Variants in PACS1 observed in about 807,000 individuals in gnomAD.
The protein encoded by PACS1 is phosphofurin acidic cluster sorting protein 1, also known as PACS-1.
Under a neutral mutation model 115.0 loss-of-function variants are expected in PACS1, and 24 were observed. The observed-to-expected ratio is 0.21, with a 90% CI of 0.15 to 0.29. The LOEUF (loss-of-function observed/expected upper bound fraction) is 0.29. PACS1 is among the 10% of genes least tolerant of loss of function. PACS1 has a pLI of 1.00. For synonymous variants in PACS1, 453 were observed against 504.5 expected (o/e 0.90, Z 1.37); for missense variants, 838 against 1,251.2 (o/e 0.67, Z 4.98).
chr11:66,151,483 A>G (rs1013864098), intron 1 of PACS1, among the ~76,000 whole-genome samples: 3 of 152,104 alleles, frequency 2.0e-5, no homozygotes, highest in Non-Finnish European at 4.4e-5. Flanking sequence ...ATTACACAGA[A>G]GCATGGGAGA....
Position 66,211,230 on chromosome 11 carries a change from T to C in PACS1, c.631T>C (p.Leu211=), listed in dbSNP as rs151082834. Reference sequence around the variant, plus strand: ...TCGGACCATCTTGGGCTATAAGACCTTGGCCGTGGGACTCATCAACATGGC... The same window carrying C: ...TCGGACCATCTTGGGCTATAAGACCCTGGCCGTGGGACTCATCAACATGGC... The part of the protein sequence containing the change: ...KNRTILGYKT[L]AVGLINMAEV... Residue 211 remains leucine, a synonymous_variant, in exon 4 of 24, where the codon TTG becomes CTG. Coordinates refer to ENST00000320580, the MANE Select transcript of PACS1 (RefSeq NM_018026.4). 84 of 1,613,724 alleles carry C rather than the reference T, an allele frequency of 5.2e-5. No homozygotes were observed. In the African/African-American group the frequency reaches 1.0e-3, roughly 19 times the overall value.
At chr11:66,073,817 A>AATTAG (rs1343474712) in intron 1 of PACS1, among the ~76,000 whole-genome samples, 2 of 151,682 alleles carry the variant, frequency 1.3e-5, no homozygotes, top group African/African-American at 4.8e-5. Flanking sequence ...GTAGTGGCAC[A>AATTAG]GTCATAGCTC....
At position 66,241,380 on chromosome 11, in the gene PACS1, G is replaced by A. The variant is rs761930838; in HGVS notation, c.2430-47G>A. Reference sequence around the variant, plus strand: ...CTACCCCATCAGGCCTATGTAGTTGGGAGCTGAAGGCAGAGCTGACCTCTC... The same window carrying A: ...CTACCCCATCAGGCCTATGTAGTTGAGAGCTGAAGGCAGAGCTGACCTCTC... On this transcript the variant is annotated intron_variant, in intron 21 of 23. Transcript: ENST00000320580. The A allele has an allele frequency of 8.9e-6, 13 of 1,454,786 alleles. No individual in the cohort carries two copies. In the East Asian group the frequency reaches 2.7e-4, roughly 30 times the overall value. 90.1% of individuals were successfully genotyped at this position (1,454,786 alleles called of 1,614,324 possible).
chr11:66,186,167 T>C (rs531011168), intron 1 of PACS1, among the ~76,000 whole-genome samples: 1 of 151,930 alleles, frequency 6.6e-6, no homozygotes, highest in East Asian at 1.9e-4. Flanking sequence ...CTCAGCTACT[T>C]AGGAGGTTGA....
chr11:66,180,386 C>T (rs574303308), intron 1 of PACS1, among the ~76,000 whole-genome samples: 2 of 151,854 alleles, frequency 1.3e-5, no homozygotes, highest in East Asian at 1.9e-4. Flanking sequence ...AACGGAGTCT[C>T]ACTCTGTTGC....
chr11:66,136,645 A>G (rs1488213211), intron 1 of PACS1, among the ~76,000 whole-genome samples: 1 of 152,082 alleles, frequency 6.6e-6, no homozygotes, highest in Non-Finnish European at 1.5e-5. Context: ...ATGCCTTCCA[A>G]AAAACTTCAT....
intron 10 of PACS1, chr11:66,221,649 A>AAAT (rs1183699389): frequency 1.9e-5 from 3 of 159,414 alleles, no homozygotes; most frequent in African/African-American, 7.2e-5. Flanking sequence ...CCTCAAAAAA[A>AAAT]AAAAAAAAAG....
chr11:66,092,342 G>A (rs1368752906), intron 1 of PACS1, among the ~76,000 whole-genome samples: 4 of 152,128 alleles, frequency 2.6e-5, no homozygotes, highest in African/African-American at 9.7e-5. Flanking sequence ...GTCTGTTCAT[G>A]TCCTTCGCCC....
At chr11:66,200,967 T>G (rs907461672) in intron 2 of PACS1, among the ~76,000 whole-genome samples, 3 of 150,954 alleles carry the variant, frequency 2.0e-5, no homozygotes, top group Non-Finnish European at 4.4e-5. Context: ...ACGCCTGTAA[T>G]CCCAGCACTT....
At chr11:66,079,802 A>G (rs1035423118) in intron 1 of PACS1, among the ~76,000 whole-genome samples, 1 of 152,228 alleles carries the variant, frequency 6.6e-6, no homozygotes, top group Non-Finnish European at 1.5e-5. Flanking sequence ...TTCATGGTTC[A>G]GGAGATGCTA....
chr11:66,144,932 G>T (rs1186356461), intron 1 of PACS1, among the ~76,000 whole-genome samples: 1 of 152,202 alleles, frequency 6.6e-6, no homozygotes. Context: ...ATCACGCCAG[G>T]CCTGTTCATT....
intron 1 of PACS1, among the ~76,000 whole-genome samples, chr11:66,185,420 G>A (rs867322398): frequency 6.6e-6 from 1 of 152,170 alleles, no homozygotes; most frequent in Non-Finnish European, 1.5e-5. Context: ...AGCACATTGA[G>A]CCCTGTTTGT....
intron 4 of PACS1, among the ~76,000 whole-genome samples, chr11:66,214,594 CT>C (rs1565149940): frequency 1.6e-5 from 2 of 127,160 alleles, no homozygotes; most frequent in Non-Finnish European, 3.3e-5. Context: ...CGCTCCCATT[CT>C]TTCTTCCTTT....
chr11:66,083,590 A>T (rs1428411586), intron 1 of PACS1, among the ~76,000 whole-genome samples: 1 of 152,180 alleles, frequency 6.6e-6, no homozygotes, highest in Non-Finnish European at 1.5e-5. Flanking sequence ...TGATATGTTT[A>T]CTTAGGCTCC....
intron 1 of PACS1, among the ~76,000 whole-genome samples, chr11:66,086,264 G>A (rs1420315524): frequency 1.3e-5 from 2 of 149,248 alleles, no homozygotes; most frequent in South Asian, 2.1e-4. Context: ...TCAGCCTCCC[G>A]AGTAGCTGGG....
chr11:66,170,490 A>G (rs939557003), intron 1 of PACS1, among the ~76,000 whole-genome samples: 1 of 150,510 alleles, frequency 6.6e-6, no homozygotes, highest in Admixed American at 6.6e-5. Context: ...GATTTATATT[A>G]TAACTTCTTC....
Position 66,070,872 on chromosome 11 carries a change from G to A in PACS1, c.356+30G>A, listed in dbSNP as rs552228058. 1.5e-5 allele frequency: 21 copies of A among 1,413,834 alleles called. No homozygotes were observed. The Admixed American group carries it at 3.0e-4, about 20-fold the overall frequency. 87.6% of individuals were successfully genotyped at this position (1,413,834 alleles called of 1,614,324 possible). A position where few individuals can be genotyped will look rare whatever the true frequency, so the allele number is the denominator to read the frequency against. Reference sequence around the variant, plus strand: ...GCGCGGGAGGGTGCGGCGGGGCGCCGGGGGAGCGGGGTGGCCGCCGGGGCC... The same window carrying A: ...GCGCGGGAGGGTGCGGCGGGGCGCCAGGGGAGCGGGGTGGCCGCCGGGGCC... On this transcript the variant is annotated intron_variant, in intron 1 of 23. Coordinates refer to ENST00000320580, the MANE Select transcript of PACS1 (RefSeq NM_018026.4). This position sits in a 1 kb window ranked among gnomAD's most constrained non-coding sequence, Gnocchi z 5.9.
intron 1 of PACS1, among the ~76,000 whole-genome samples, chr11:66,083,082 T>G (rs1447763735): frequency 6.6e-6 from 1 of 152,202 alleles, no homozygotes; most frequent in Admixed American, 6.5e-5. Context: ...GTCTATTGTT[T>G]ATGAAATTAT....
At chr11:66,115,873 A>T (rs1306358435) in intron 1 of PACS1, among the ~76,000 whole-genome samples, 1 of 152,164 alleles carries the variant, frequency 6.6e-6, no homozygotes. Context: ...GTTAGAGATT[A>T]TTTTGTTCTC....
Sources: gnomAD v4.1 joint callset for allele counts (sites outside exome capture counted in the v4.1 genomes callset) on GRCh38, gnomAD v4.1.1 for gene constraint, Gnocchi (gnomAD v3.1) non-coding constraint, MANE v1.5 for transcripts, NCBI Gene and HGNC (gene_info 2026-07-23, HGNC 2026-07-21) for gene names.